The following AHR variants were observed in gnomAD, a reference collection of about 807,000 sequenced individuals.
AHR encodes the protein AH-receptor.
Under a neutral mutation model 86.8 loss-of-function variants are expected in AHR, and 40 were observed. The ratio of observed to expected loss-of-function variants is 0.46; its 90% CI spans 0.36 to 0.60. The LOEUF is 0.60. Among genes scored for constraint, AHR ranks in the 20% least tolerant of loss-of-function variants. The pLI, the probability that AHR is intolerant of heterozygous loss-of-function variation, is 0.00. For missense variants in AHR, 1,001 were observed against 1,011.6 expected (o/e 0.99, Z 0.14); for synonymous variants, 398 against 354.9 (o/e 1.12, Z -1.37).
chr7:17,337,637 G>A (rs995114913), intron 9 of AHR, among the ~76,000 whole-genome samples: 2 of 151,266 alleles, frequency 1.3e-5, no homozygotes, highest in African/African-American at 2.4e-5. Context: ...ACTACGCCCG[G>A]CTAATTTTTT....
chr7:17,316,185 CTGAAA>C (rs1285046347), intron 2 of AHR, among the ~76,000 whole-genome samples: 3 of 152,084 alleles, frequency 2.0e-5, no homozygotes, highest in Non-Finnish European at 4.4e-5. Context: ...AAAGTGTAAA[CTGAAA>C]TGAAATGAAA....
intron 2 of AHR, among the ~76,000 whole-genome samples, chr7:17,311,263 T>C (rs1310766245): frequency 6.6e-6 from 1 of 152,208 alleles, no homozygotes; most frequent in Non-Finnish European, 1.5e-5. Flanking sequence ...GCTATGTCAG[T>C]CAATGCTTCT....
At chr7:17,309,545 A>T (rs994111392) in intron 1 of AHR, among the ~76,000 whole-genome samples, 1 of 152,234 alleles carries the variant, frequency 6.6e-6, no homozygotes, top group Non-Finnish European at 1.5e-5. Flanking sequence ...CCTGTGGAAG[A>T]TAGCAAAGGA....
chr7:17,325,520 GT>G (rs1165275935), intron 3 of AHR, among the ~76,000 whole-genome samples: 4 of 152,166 alleles, frequency 2.6e-5, no homozygotes, highest in African/African-American at 9.7e-5. Flanking sequence ...AATTTTGAAT[GT>G]GTTAGTCATT....
In AHR at chr7:17,339,025, G is replaced by A. The variant is rs201080105; in HGVS notation, c.1200G>A (p.Thr400=). Residue 400 remains threonine (T), a synonymous_variant, in exon 10 of 11, where the codon ACG becomes ACA. Transcript: ENST00000242057. The stretch of plus-strand genomic sequence containing the variant: ...CAGAGCATTTACGAAAACGAAATAC[G>A]AAGTTGCCTTTTATGTTTACCACTG... ...EGTEHLRKRN[T]KLPFMFTTGE... 5.2e-5 allele frequency: 84 copies of A among 1,613,840 alleles called. No homozygotes were observed. The highest frequency in any genetic ancestry group is 6.7e-5 in the Non-Finnish European group (79 of 1,179,950).
In AHR at chr7:17,345,533, A is replaced by G. The variant is rs1028173805; in HGVS notation, c.*2469A>G. Reference sequence around the variant, plus strand: ...GGATTTAGACCAGAGGTCTAGATTAATACTCTATTTTTACATTTAAACCTT... The same window carrying G: ...GGATTTAGACCAGAGGTCTAGATTAGTACTCTATTTTTACATTTAAACCTT... On this transcript the variant is annotated 3_prime_UTR_variant, in exon 11 of 11. Coordinates refer to ENST00000242057, the MANE Select transcript of AHR (RefSeq NM_001621.5). The G allele has an allele frequency of 6.6e-6, 1 of 152,636 alleles. No individual in the cohort carries two copies. The highest frequency in any genetic ancestry group is 2.4e-5 in the African/African-American group (1 of 41,426). The allele number at this position is 152,636 out of a possible 1,614,324, so 9.5% of individuals were successfully genotyped here.
chr7:17,318,128 T>G (rs758819590), intron 2 of AHR, among the ~76,000 whole-genome samples: 2 of 152,128 alleles, frequency 1.3e-5, no homozygotes, highest in Non-Finnish European at 1.5e-5. Context: ...GGGGATATGC[T>G]TTCCCTGGCA....
At chr7:17,330,909 A>G in intron 6 of AHR, 23 bp downstream of exon 6, 1 of 1,604,106 alleles carries the variant, frequency 6.2e-7, no homozygotes, top group Non-Finnish European at 8.5e-7. Context: ...ATTTTATGAT[A>G]CTGGCTTTTA....
chr7:17,341,628 T>C (rs755160215), intron 10 of AHR, among the ~76,000 whole-genome samples: 5 of 152,184 alleles, frequency 3.3e-5, no homozygotes, highest in Non-Finnish European at 5.9e-5. Context: ...TGAGATGTGC[T>C]GTGTGAAGTA....
intron 2 of AHR, among the ~76,000 whole-genome samples, chr7:17,314,109 G>A (rs1468785078): frequency 2.0e-5 from 3 of 151,828 alleles, no homozygotes; most frequent in African/African-American, 4.8e-5. Flanking sequence ...TTGAGAATTC[G>A]GGAATGACTA....
intron 9 of AHR, among the ~76,000 whole-genome samples, chr7:17,336,673 A>G (rs1782357332): frequency 6.6e-6 from 1 of 152,190 alleles, no homozygotes; most frequent in African/African-American, 2.4e-5. Context: ...CATGAACATG[A>G]TGAATGTATG....
intron 6 of AHR, among the ~76,000 whole-genome samples, chr7:17,331,642 C>T (rs1036995512): frequency 6.6e-5 from 10 of 151,836 alleles, no homozygotes; most frequent in East Asian, 5.8e-4. Flanking sequence ...CATAGAAAAA[C>T]GATTGTATAT....
At chr7:17,321,329 C>T (rs1280875744) in intron 2 of AHR, among the ~76,000 whole-genome samples, 2 of 151,892 alleles carry the variant, frequency 1.3e-5, no homozygotes, top group East Asian at 3.8e-4. Context: ...TCTCATTACT[C>T]TTCACAACAG....
At chr7:17,338,872 C>G (rs1584042918) in intron 9 of AHR, 114 bp from the exon 10 acceptor site, 1 of 1,059,190 alleles carries the variant, frequency 9.4e-7, no homozygotes, top group East Asian at 2.7e-5. Flanking sequence ...AAATATGTCC[C>G]TTTCTGAATT....
At chr7:17,316,077 G>A (rs929517049) in intron 2 of AHR, among the ~76,000 whole-genome samples, 1 of 152,178 alleles carries the variant, frequency 6.6e-6, no homozygotes, top group African/African-American at 2.4e-5. Context: ...AGTATGCTAA[G>A]GTGATAGAGT....
At chr7:17,312,956 T>C (rs987251499) in intron 2 of AHR, among the ~76,000 whole-genome samples, 3 of 152,178 alleles carry the variant, frequency 2.0e-5, no homozygotes, top group Admixed American at 6.6e-5. Flanking sequence ...GATTATGCCC[T>C]GAACAAGTTA....
chr7:17,304,835 A>C (rs1781989106), intron 1 of AHR, among the ~76,000 whole-genome samples: 1 of 152,000 alleles, frequency 6.6e-6, no homozygotes. Flanking sequence ...ATTAACTACC[A>C]CTTAAAATTT....
intron 1 of AHR, 80 bp downstream of exon 1, chr7:17,299,409 C>T (rs1343729197): frequency 6.7e-7 from 1 of 1,498,476 alleles, no homozygotes; most frequent in Admixed American, 1.9e-5. Context: ...CACCCCGCCC[C>T]CAAATCCCTG....
intron 2 of AHR, among the ~76,000 whole-genome samples, chr7:17,318,852 C>A (rs1036509547): frequency 6.6e-6 from 1 of 151,650 alleles, no homozygotes; most frequent in Non-Finnish European, 1.5e-5. Context: ...TTAAAGTAGG[C>A]CAGAGAAAAG....
Sources: allele counts gnomAD v4.1 joint callset (sites outside exome capture counted in the v4.1 genomes callset), GRCh38; gene constraint gnomAD v4.1.1; transcripts MANE v1.5; gene names NCBI Gene and HGNC (gene_info 2026-07-23, HGNC 2026-07-21).